ARHGEF17: variants seen among roughly 807,000 people sequenced by gnomAD.
ARHGEF17 encodes the protein 164 kDa Rho-specific guanine-nucleotide exchange factor.
Under a neutral mutation model 174.0 loss-of-function variants are expected in ARHGEF17, and 80 were observed. That is an observed-to-expected ratio of 0.46 (90% CI 0.38 to 0.55). ARHGEF17 has a LOEUF of 0.55. Among genes scored for constraint, ARHGEF17 ranks in the 20% least tolerant of loss-of-function variants. The pLI is 0.00. For missense variants in ARHGEF17, 2,886 were observed against 2,839.7 expected (o/e 1.02, Z -0.37); for synonymous variants, 1,311 against 1,189.1 (o/e 1.10, Z -2.11).
In ARHGEF17 at chr11:73,310,750, T is replaced by C; in HGVS notation, c.2112T>C (p.Gly704=). ...LVSPETPPTP[G]ALRRRRKVPP... is the part of the protein sequence containing the mutation. ...CGCCTGAGACCCCTCCCACACCAGGTGCCCTCCGCCGACGACGCAAAGTCC... is the reference window on the plus strand; with the variant it reads ...CGCCTGAGACCCCTCCCACACCAGGCGCCCTCCGCCGACGACGCAAAGTCC... Residue 704 remains glycine, a synonymous_variant, in exon 1 of 21, where the codon GGT becomes GGC. Transcript: ENST00000263674. 1 of 1,611,336 alleles carries C rather than the reference T, an allele frequency of 6.2e-7. No homozygotes were observed. The highest frequency in any genetic ancestry group is 1.1e-5 in the South Asian group (1 of 91,030).
chr11:73,365,268 A>G lies in ARHGEF17; in HGVS notation c.5551-122A>G, dbSNP rs528710524. The G allele has an allele frequency of 1.7e-6, 2 of 1,150,168 alleles. No homozygotes were observed. Among genetic ancestry groups the G allele is most frequent in the East Asian group, 5.1e-5 (2 of 39,254 alleles). The allele number at this position is 1,150,168 out of a possible 1,614,324, so 71.2% of individuals were successfully genotyped here. On this transcript the variant is annotated intron_variant, in intron 18 of 20. Transcript: ENST00000263674. This position sits in a 1 kb window ranked among gnomAD's most constrained non-coding sequence, Gnocchi z 4.9. ...GGTGAAACCAAGCTTCGAAAGGTTA[A>G]TCAGACCAAGGACCAACGCTAGTGT...
chr11:73,343,309 T>A, intron 1 of ARHGEF17: 1 of 396,814 alleles, frequency 2.5e-6, no homozygotes, highest in Non-Finnish European at 4.4e-6. Flanking sequence ...GCCAGGGACC[T>A]GGGCCATGGC....
rs1208626630 is a variant in ARHGEF17 at position 73,310,139 on chromosome 11, C to T, written c.1501C>T (p.Pro501Ser). 6.2e-7 allele frequency: 1 copy of T among 1,613,942 alleles called. No individual in the cohort carries two copies. Among genetic ancestry groups the T allele is most frequent in the Non-Finnish European group, 8.5e-7 (1 of 1,180,030 alleles). The change falls in exon 1 of 21, where the codon CCC (proline) becomes TCC (serine). Residue 501 changes from proline (P) to serine (S), a missense_variant. Transcript: ENST00000263674. ...GAGCTCCGGGGACCGTGGAAGCAAC[C>T]CCCTAGATGGCAGAGACTCACCATC... is the stretch of plus-strand genomic sequence containing the variant. The part of the protein sequence containing the change: ...GGSSGDRGSN[P>S]LDGRDSPSAG...
intron 1 of ARHGEF17, among the ~76,000 whole-genome samples, chr11:73,317,573 G>A (rs1290886780): frequency 2.0e-5 from 3 of 152,230 alleles, no homozygotes; most frequent in Non-Finnish European, 2.9e-5. Context: ...AAGCCCTGGC[G>A]TACTTACTGG....
intron 1 of ARHGEF17, among the ~76,000 whole-genome samples, chr11:73,318,854 C>T (rs912234796): frequency 2.0e-5 from 3 of 152,192 alleles, no homozygotes; most frequent in African/African-American, 7.2e-5. Flanking sequence ...ATCTCCTACT[C>T]TCCAGTCTGG....
chr11:73,309,500 C>G lies in ARHGEF17; in HGVS notation c.862C>G (p.Arg288Gly). The G allele has an allele frequency of 1.3e-6, 2 of 1,554,466 alleles. No homozygotes were observed. The highest frequency in any genetic ancestry group is 1.2e-5 in the South Asian group (1 of 84,336). Residue 288 changes from arginine (R) to glycine (G), a missense_variant, in exon 1 of 21, where the codon CGC becomes GGC. Physicochemically the swap from Arg to Gly is moderately radical, Grantham distance 125. Transcript: ENST00000263674. ...CGACCGAGACGGTGAGGGCGGCCAC[C>G]GCTGGGGAGGGAGGCCCGGGCTCAG... ...DDDRDGEGGH[R>G]WGGRPGLRPG...
At chr11:73,360,874 C>T (rs1865726916) in intron 11 of ARHGEF17, among the ~76,000 whole-genome samples, 1 of 152,188 alleles carries the variant, frequency 6.6e-6, no homozygotes, top group South Asian at 2.1e-4. Context: ...CTTAGAAGAT[C>T]CACAGAGACC....
At chr11:73,350,584 C>A (rs1301611632) in intron 2 of ARHGEF17, among the ~76,000 whole-genome samples, 2 of 152,156 alleles carry the variant, frequency 1.3e-5, no homozygotes, top group African/African-American at 4.8e-5. Context: ...AAGTGTTGTT[C>A]CTGCAGGCCA....
At chr11:73,341,518 G>A (rs12279235) in intron 1 of ARHGEF17, among the ~76,000 whole-genome samples, 20,115 of 151,636 alleles carry the variant, frequency 0.13, 1,679 homozygotes, top group African/African-American at 0.24. Flanking sequence ...CTCCATATTG[G>A]TCAGGCTGGT....
intron 2 of ARHGEF17, 114 bp from the exon 3 acceptor site, chr11:73,352,716 G>A: frequency 8.8e-7 from 1 of 1,131,642 alleles, no homozygotes; most frequent in Non-Finnish European, 1.3e-6. Flanking sequence ...TGGAAGGCAG[G>A]GCGCTGAGCT....
intron 13 of ARHGEF17, 23 bp downstream of exon 13, chr11:73,362,262 G>T (rs1395167864): frequency 6.7e-7 from 1 of 1,491,872 alleles, no homozygotes; most frequent in Non-Finnish European, 8.9e-7. Context: ...CGGCGGGGTG[G>T]GCGGCACCGC....
Position 73,310,179 on chromosome 11 carries a change from T to G in ARHGEF17, c.1541T>G (p.Val514Gly), listed in dbSNP as rs990806252. 6.2e-7 allele frequency: 1 copy of G among 1,613,870 alleles called. No homozygotes were observed. Among genetic ancestry groups the G allele is most frequent in the Non-Finnish European group, 8.5e-7 (1 of 1,179,974 alleles). ...GRDSPSAGGP[V>G]GQLEPIPIPA... ...GACTCACCATCCGCAGGTGGCCCTGTGGGGCAACTTGAACCCATACCCATC... is the reference window on the plus strand; with the variant it reads ...GACTCACCATCCGCAGGTGGCCCTGGGGGGCAACTTGAACCCATACCCATC... Residue 514 changes from valine to glycine, a missense_variant, in exon 1 of 21, where the codon GTG becomes GGG. Around this residue, in one of 4 missense-constraint regions of ARHGEF17, gnomAD observed 1,728 missense variants for 1,461.2 expected, o/e 1.18. Transcript: ENST00000263674.
At chr11:73,325,055 G>T (rs376929410) in intron 1 of ARHGEF17, among the ~76,000 whole-genome samples, 1 of 152,154 alleles carries the variant, frequency 6.6e-6, no homozygotes, top group Non-Finnish European at 1.5e-5. Context: ...ACGGGCAGGT[G>T]AAGGGGAGAC....
At chr11:73,321,901 G>A (rs1388394995) in intron 1 of ARHGEF17, among the ~76,000 whole-genome samples, 1 of 152,208 alleles carries the variant, frequency 6.6e-6, no homozygotes, top group Non-Finnish European at 1.5e-5. Flanking sequence ...CAAGCACAAG[G>A]TTGGTGTCTG....
chr11:73,320,648 AAAG>A (rs1865002668), intron 1 of ARHGEF17, among the ~76,000 whole-genome samples: 1 of 150,652 alleles, frequency 6.6e-6, no homozygotes, highest in Admixed American at 6.6e-5. Flanking sequence ...AAAAAAAAAA[AAAG>A]ATGATGATGA....
At chr11:73,356,138 G>A (rs1831483582) in intron 5 of ARHGEF17, 37 bp from the exon 6 acceptor site, 1 of 1,609,504 alleles carries the variant, frequency 6.2e-7, no homozygotes, top group Non-Finnish European at 8.5e-7. Context: ...CCCAGGGGTA[G>A]CTAAGCAGTC....
At chr11:73,352,694 A>C in intron 2 of ARHGEF17, 136 bp from the exon 3 acceptor site, 1 of 882,438 alleles carries the variant, frequency 1.1e-6, no homozygotes, top group Admixed American at 2.2e-5. Flanking sequence ...TCTTGGTCTC[A>C]TGAGGGAGAT....
chr11:73,338,240 A>G (rs1393478804), intron 1 of ARHGEF17, among the ~76,000 whole-genome samples: 1 of 152,142 alleles, frequency 6.6e-6, no homozygotes, highest in Non-Finnish European at 1.5e-5. Flanking sequence ...ACAGATGGAG[A>G]GACTGAGGCC....
intron 1 of ARHGEF17, chr11:73,343,000 C>G (rs968752966): frequency 2.6e-5 from 6 of 235,068 alleles, no homozygotes; most frequent in African/African-American, 9.4e-5. Context: ...AACTGACCAC[C>G]GCGACCGCCA....
Sources: gnomAD v4.1 joint callset for allele counts (sites outside exome capture counted in the v4.1 genomes callset) on GRCh38, gnomAD v4.1.1 for gene constraint, gnomAD v4.1.1 regional missense constraint, Gnocchi (gnomAD v3.1) non-coding constraint, MANE v1.5 for transcripts, NCBI Gene and HGNC (gene_info 2026-07-23, HGNC 2026-07-21) for gene names.